Variants in FRMD6 observed in about 807,000 individuals in gnomAD.
FRMD6 encodes FERM domain containing 6.
In FRMD6, 37 loss-of-function variants were observed where a neutral mutation model predicts 73.2. That is an observed-to-expected ratio of 0.51 (90% CI 0.39 to 0.66). FRMD6 has a LOEUF of 0.66. Among genes scored for constraint, FRMD6 ranks in the 30% least tolerant of loss-of-function variants. The pLI, the probability that FRMD6 is intolerant of heterozygous loss-of-function variation, is 0.00. For synonymous variants in FRMD6, 273 were observed against 282.2 expected, an observed-to-expected ratio of 0.97 and a Z score of 0.33; for missense variants, 714 against 780.5, an observed-to-expected ratio of 0.91 and a Z score of 1.02.
chr14:51,500,573 T>C (rs560326617), intron 1 of FRMD6, among the ~76,000 whole-genome samples: 3 of 152,066 alleles, frequency 2.0e-5, no homozygotes, highest in Admixed American at 1.3e-4. Context: ...ATAGTGTGTA[T>C]GTAAAGAGAA....
chr14:51,420,520 A>G, the FRMD6 span, among the ~76,000 whole-genome samples: 1 of 152,244 alleles, frequency 6.6e-6, no homozygotes, highest in Admixed American at 6.5e-5. Context: ...ATGTTAGTAC[A>G]CTTGGCCCTC....
intron 2 of FRMD6, among the ~76,000 whole-genome samples, chr14:51,693,150 A>C (rs1186082781): frequency 6.6e-6 from 1 of 152,180 alleles, no homozygotes; most frequent in East Asian, 1.9e-4. Flanking sequence ...CTCATATCTG[A>C]ATGACTTTGG....
the FRMD6 span, among the ~76,000 whole-genome samples, chr14:51,457,588 T>C: frequency 6.6e-6 from 1 of 152,212 alleles, no homozygotes; most frequent in Non-Finnish European, 1.5e-5. Context: ...TTCCTAAATA[T>C]TACACCTGAG....
chr14:51,566,213 A>G (rs894069703), intron 1 of FRMD6, among the ~76,000 whole-genome samples: 3 of 152,236 alleles, frequency 2.0e-5, no homozygotes, highest in Admixed American at 6.5e-5. Context: ...AGGATAGTCA[A>G]ATGAACAAAG....
At chr14:51,704,578 G>A in intron 5 of FRMD6, 171 bp from the exon 6 acceptor site, 1 of 567,300 alleles carries the variant, frequency 1.8e-6, no homozygotes, top group Non-Finnish European at 3.1e-6. Flanking sequence ...CAACCTCAGT[G>A]AGGCAGCTAT....
At chr14:51,583,852 A>G (rs867415583) in intron 2 of FRMD6, among the ~76,000 whole-genome samples, 2 of 152,156 alleles carry the variant, frequency 1.3e-5, no homozygotes, top group Admixed American at 6.5e-5. Flanking sequence ...TGTGAAGAGG[A>G]TGGAATTGGA....
At chr14:51,426,670 C>T in the FRMD6 span, among the ~76,000 whole-genome samples, 39,091 of 152,044 alleles carry the variant, frequency 0.26, 5,647 homozygotes, top group Non-Finnish European at 0.32. Flanking sequence ...TGCCAGGTAC[C>T]GTGAGATGGG....
At chr14:51,727,717 G>T (rs1210268098) in intron 13 of FRMD6, 28 bp from the exon 14 acceptor site, 2 of 1,569,548 alleles carry the variant, frequency 1.3e-6, no homozygotes, top group African/African-American at 1.4e-5. Context: ...TCACTTTAAA[G>T]TTGTTTCATC....
At chr14:51,402,644 T>TTC in the FRMD6 span, among the ~76,000 whole-genome samples, 19 of 138,690 alleles carry the variant, frequency 1.4e-4, no homozygotes, top group African/African-American at 2.8e-4. Context: ...TTCTTTTCTT[T>TTC]TTTTTTTTTT....
rs138228432 is a variant in FRMD6 at position 51,717,156 on chromosome 14, T to C, written c.1024+1657T>C. 2.0e-5 allele frequency: 3 copies of C among 152,178 alleles called. No homozygotes were observed. In the East Asian group the frequency reaches 5.8e-4, roughly 29 times the overall value. 9.4% of individuals were successfully genotyped at this position (152,178 alleles called of 1,614,324 possible). On this transcript the variant is annotated intron_variant, in intron 10 of 13. Transcript: ENST00000344768. Reference sequence around the variant, plus strand: ...CATAGTACCAAGTGTATTCGGAGGCTTAAGTGAGTAGGTGTCTTTGTTTGT... The same window carrying C: ...CATAGTACCAAGTGTATTCGGAGGCCTAAGTGAGTAGGTGTCTTTGTTTGT...
intron 2 of FRMD6, among the ~76,000 whole-genome samples, chr14:51,633,621 A>AAAAAAAAAAAAAT (rs143710280): frequency 1.0e-5 from 1 of 99,368 alleles, no homozygotes; most frequent in Non-Finnish European, 1.9e-5. Flanking sequence ...AAAAAAAAAA[A>AAAAAAAAAAAAAT]GAAATAATTA....
chr14:51,530,734 G>C lies in FRMD6; in HGVS notation c.-209-39614G>C, dbSNP rs180789743. Among the ~76,000 whole-genome samples, 289 of 152,046 alleles carry C rather than the reference G, an allele frequency of 1.9e-3. 1 individual carries two copies. Among genetic ancestry groups the C allele is most frequent in the Non-Finnish European group, 3.4e-3 (228 of 67,994 alleles). ...ACTCCTGAGCTCAAGTGGTTCACCT[G>C]CTTCAGCCTCCCAACATGCTGGGAT... On this transcript the variant is annotated intron_variant, in intron 1 of 14. Transcript: ENST00000356218.
At chr14:51,707,260 A>G (rs1896677963) in intron 6 of FRMD6, among the ~76,000 whole-genome samples, 1 of 152,166 alleles carries the variant, frequency 6.6e-6, no homozygotes, top group Non-Finnish European at 1.5e-5. Flanking sequence ...AAAATATTCA[A>G]TAGGAAGAAA....
rs763791878 is a variant in FRMD6, at chr14:51,720,256, A to C, written c.1226A>C (p.Glu409Ala). Residue 409 changes from glutamate (E) to alanine (A), a missense_variant, in exon 11 of 14, where the codon GAA becomes GCA. Coordinates refer to ENST00000344768, the MANE Select transcript of FRMD6 (RefSeq NM_001267046.2). ...ACCAAGCCCCGGGACACGGGGCCAG[A>C]AGACAGCTACTCCAGCAGTGCCATC... is the stretch of plus-strand genomic sequence containing the variant. ...ADTKPRDTGP[E>A]DSYSSSAIHR... 6.2e-7 allele frequency: 1 copy of C among 1,613,878 alleles called. No individual in the cohort carries two copies. The highest frequency in any genetic ancestry group is 8.5e-7 in the Non-Finnish European group (1 of 1,179,938).
chr14:51,444,278 A>G, the FRMD6 span, among the ~76,000 whole-genome samples: 1 of 152,182 alleles, frequency 6.6e-6, no homozygotes, highest in African/African-American at 2.4e-5. Context: ...TGCTGGCCCC[A>G]CTGGCAAGAG....
intron 1 of FRMD6, among the ~76,000 whole-genome samples, chr14:51,502,740 C>T (rs1349883979): frequency 1.3e-5 from 2 of 152,062 alleles, no homozygotes; most frequent in African/African-American, 4.8e-5. Flanking sequence ...TGAAGAATGT[C>T]AATGGTAGCT....
intron 2 of FRMD6, among the ~76,000 whole-genome samples, chr14:51,605,060 T>C (rs918138601): frequency 1.3e-5 from 2 of 151,964 alleles, no homozygotes; most frequent in Non-Finnish European, 2.9e-5. Flanking sequence ...GTTCCCTGTA[T>C]CTCTACCCCT....
rs536996684 is a variant in FRMD6, at chr14:51,615,897, A to C, written c.-147+45487A>C. ...AAAGAATTATGTGGGAAGTAGTTACATGTGGAACTAGAGATACAGGTAGAG... is the reference window on the plus strand; with the variant it reads ...AAAGAATTATGTGGGAAGTAGTTACCTGTGGAACTAGAGATACAGGTAGAG... On this transcript the variant is annotated intron_variant, in intron 2 of 14. Transcript: ENST00000356218. 1.4e-4 allele frequency among the ~76,000 whole-genome samples: 21 copies of C among 152,360 alleles called. 1 individual carries two copies. The South Asian group carries it at 4.3e-3, about 32-fold the overall frequency.
chr14:51,410,361 G>A, the FRMD6 span, among the ~76,000 whole-genome samples: 1 of 152,090 alleles, frequency 6.6e-6, no homozygotes, highest in Admixed American at 6.5e-5. Flanking sequence ...TTGTAAAGGA[G>A]GCTCATTTTT....
Sources: gnomAD v4.1 joint callset for allele counts (sites outside exome capture counted in the v4.1 genomes callset) on GRCh38, gnomAD v4.1.1 for gene constraint, MANE v1.5 for transcripts, NCBI Gene and HGNC (gene_info 2026-07-23, HGNC 2026-07-21) for gene names.